Variants in WDR72 observed in about 807,000 individuals in gnomAD.
The protein encoded by WDR72 is WD repeat-containing protein 72.
In WDR72, 120 loss-of-function variants were observed where a neutral mutation model predicts 124.2. The observed-to-expected ratio is 0.97, with a 90% confidence interval of 0.83 to 1.12. WDR72 has a LOEUF of 1.12. Ranked by LOEUF, WDR72 falls within the 50% of genes most tolerant of loss-of-function variation. WDR72 has a pLI of 0.00. For synonymous variants in WDR72, 452 were observed against 441.7 expected, an observed-to-expected ratio of 1.02 and a Z score of -0.29; for missense variants, 1,387 against 1,278.8, an observed-to-expected ratio of 1.08 and a Z score of -1.29.
chr15:53,669,197 C>T (rs1220090158), intron 13 of WDR72, among the ~76,000 whole-genome samples: 1 of 152,124 alleles, frequency 6.6e-6, no homozygotes, highest in Non-Finnish European at 1.5e-5. Flanking sequence ...CTTTCTTTGG[C>T]ATACTCTTTG....
At chr15:53,596,967 C>T (rs964648145) in intron 18 of WDR72, 112 bp downstream of exon 18, 2 of 1,033,364 alleles carry the variant, frequency 1.9e-6, no homozygotes, top group Admixed American at 1.7e-5. Flanking sequence ...ATGTCTATCA[C>T]TTGTGCACCA....
chr15:53,627,823 T>C (rs925423633), intron 14 of WDR72, among the ~76,000 whole-genome samples: 16 of 152,184 alleles, frequency 1.1e-4, no homozygotes, highest in African/African-American at 3.4e-4. Context: ...CAATCATAAA[T>C]CTATGTTTTT....
chr15:53,525,894 A>T (rs1212209890), intron 18 of WDR72, among the ~76,000 whole-genome samples: 6 of 152,092 alleles, frequency 3.9e-5, no homozygotes, highest in Non-Finnish European at 7.4e-5. Flanking sequence ...TGTAGAAGAA[A>T]TAGCTACATT....
At chr15:53,590,057 TA>T (rs1313102155) in intron 18 of WDR72, among the ~76,000 whole-genome samples, 1 of 152,084 alleles carries the variant, frequency 6.6e-6, no homozygotes, top group Non-Finnish European at 1.5e-5. Flanking sequence ...GAAAAGTAGG[TA>T]ATGTATTCTA....
intron 1 of WDR72, among the ~76,000 whole-genome samples, chr15:53,758,192 A>T (rs1000277565): frequency 9.2e-5 from 14 of 152,076 alleles, no homozygotes; most frequent in Middle Eastern, 3.4e-3. Flanking sequence ...GTAGAGATGA[A>T]GTTTTGCTAT....
At chr15:53,682,756 TGTAAACA>T (rs1416243134) in intron 13 of WDR72, among the ~76,000 whole-genome samples, 1 of 152,210 alleles carries the variant, frequency 6.6e-6, no homozygotes, top group African/African-American at 2.4e-5. Flanking sequence ...TTCTGAGCCC[TGTAAACA>T]GTTCCAACCT....
intron 18 of WDR72, among the ~76,000 whole-genome samples, chr15:53,539,566 T>C (rs998307311): frequency 1.3e-5 from 2 of 151,976 alleles, no homozygotes; most frequent in Non-Finnish European, 2.9e-5. Flanking sequence ...AATTATTTCA[T>C]TATTGCTAAT....
chr15:53,597,406 A>G (rs2012830063), intron 17 of WDR72, 132 bp from the exon 18 acceptor site: 11 of 847,550 alleles, frequency 1.3e-5, no homozygotes, highest in Non-Finnish European at 1.8e-5. Flanking sequence ...TACTTCTAGA[A>G]TTAGCATCCA....
intron 17 of WDR72, among the ~76,000 whole-genome samples, chr15:53,607,198 T>C (rs1175340441): frequency 1.3e-5 from 2 of 151,958 alleles, no homozygotes; most frequent in African/African-American, 2.4e-5. Context: ...AGGATTTAAA[T>C]TGGACATTGA....
intron 1 of WDR72, among the ~76,000 whole-genome samples, chr15:53,754,257 C>T (rs542463873): frequency 3.3e-4 from 50 of 152,134 alleles, no homozygotes; most frequent in Admixed American, 9.2e-4. Context: ...TACAAAAACA[C>T]TAAAAAGCTC....
intron 13 of WDR72, among the ~76,000 whole-genome samples, chr15:53,672,378 CCT>C (rs1317650331): frequency 4.0e-5 from 6 of 150,228 alleles, no homozygotes; most frequent in Admixed American, 1.3e-4. Context: ...AGCATAAACC[CCT>C]GTTAGCAGTT....
intron 1 of WDR72, among the ~76,000 whole-genome samples, chr15:53,752,364 T>C (rs1301189028): frequency 6.6e-6 from 1 of 152,182 alleles, no homozygotes; most frequent in East Asian, 1.9e-4. Context: ...GAGGTAATAC[T>C]GGATTGGGGT....
intron 18 of WDR72, among the ~76,000 whole-genome samples, chr15:53,569,206 T>C (rs1245905307): frequency 6.6e-6 from 1 of 152,034 alleles, no homozygotes; most frequent in Non-Finnish European, 1.5e-5. Flanking sequence ...CTTTATGTGG[T>C]CATTCTTGTC....
chr15:53,713,107 C>T (rs993772893), intron 6 of WDR72, among the ~76,000 whole-genome samples: 4 of 150,202 alleles, frequency 2.7e-5, no homozygotes, highest in African/African-American at 9.8e-5. Context: ...CCCCACAACA[C>T]TTAATTTACC....
chr15:53,757,579 T>C (rs1321244164), intron 1 of WDR72, among the ~76,000 whole-genome samples: 1 of 151,878 alleles, frequency 6.6e-6, no homozygotes, highest in Non-Finnish European at 1.5e-5. Flanking sequence ...GCCGAGATAG[T>C]ACCACTGCAC....
At chr15:53,591,685 A>ACAAC (rs1286764338) in intron 18 of WDR72, among the ~76,000 whole-genome samples, 1 of 148,930 alleles carries the variant, frequency 6.7e-6, no homozygotes, top group East Asian at 2.0e-4. Flanking sequence ...CAACACACAC[A>ACAAC]ACACACACAC....
At chr15:53,702,999 A>T (rs1460942887) in intron 11 of WDR72, among the ~76,000 whole-genome samples, 1 of 151,770 alleles carries the variant, frequency 6.6e-6, no homozygotes, top group Non-Finnish European at 1.5e-5. Context: ...CTATTCCTCA[A>T]GTTCCCTGGG....
intron 1 of WDR72, among the ~76,000 whole-genome samples, chr15:53,746,552 G>A (rs2018647936): frequency 6.6e-6 from 1 of 152,160 alleles, no homozygotes; most frequent in Non-Finnish European, 1.5e-5. Context: ...ATAGGCCTGG[G>A]TTTGAATCTC....
chr15:53,748,769 C>G (rs1382000016), intron 1 of WDR72, among the ~76,000 whole-genome samples: 1 of 152,188 alleles, frequency 6.6e-6, no homozygotes, highest in Non-Finnish European at 1.5e-5. Flanking sequence ...CCTCTGATAA[C>G]ATTTTTACCT....
Sources: gnomAD v4.1 joint callset for allele counts (sites outside exome capture counted in the v4.1 genomes callset) on GRCh38, gnomAD v4.1.1 for gene constraint, MANE v1.5 for transcripts, NCBI Gene and HGNC (gene_info 2026-07-23, HGNC 2026-07-21) for gene names.